The following ACYP2 variants were observed in gnomAD, a reference collection of about 807,000 sequenced individuals.
ACYP2 encodes the protein acylphosphatase-2.
ACYP2 carries 12 observed loss-of-function variants against 11.2 expected under a neutral mutation model. That is an observed-to-expected ratio of 1.08 (90% CI 0.69 to 1.74). ACYP2 has a LOEUF of 1.74. Among genes scored for constraint, ACYP2 ranks in the 40% most tolerant of loss-of-function variants. The probability of loss-of-function intolerance (pLI) is 0.00; values close to 1 mark genes in which losing one functional copy is unlikely to be tolerated. For synonymous variants in ACYP2, 43 were observed against 32.2 expected (o/e 1.33, Z -1.13); for missense variants, 134 against 101.9 (o/e 1.31, Z -1.35).
At chr2:54,294,076 A>G (rs1367273865) in intron 6 of ACYP2, among the ~76,000 whole-genome samples, 1 of 152,054 alleles carries the variant, frequency 6.6e-6, no homozygotes, top group Non-Finnish European at 1.5e-5. Context: ...CTTTCTTGCT[A>G]TGGTCTTCAT....
intron 4 of ACYP2, chr2:54,065,377 G>T: frequency 2.5e-6 from 1 of 397,296 alleles, no homozygotes; most frequent in South Asian, 1.3e-4. Flanking sequence ...TGATCAAAAT[G>T]ATTTTTCTAT....
At chr2:54,303,971 G>C (rs1359106671) in intron 6 of ACYP2, among the ~76,000 whole-genome samples, 3 of 152,052 alleles carry the variant, frequency 2.0e-5, no homozygotes, top group African/African-American at 7.2e-5. Context: ...AAATATCTTG[G>C]GTAAGTGACC....
Position 53,982,201 on chromosome 2 carries a change from G to A in ACYP2, c.62+8391G>A, listed in dbSNP as rs150039888. On this transcript the variant is annotated intron_variant, in intron 2 of 6. Coordinates refer to ENST00000607452, the MANE Select transcript of ACYP2 (RefSeq NM_001320586.2). The stretch of plus-strand genomic sequence containing the variant: ...CAGGCTTTGCTCACAGGCAGACAAT[G>A]GGATTATCTGCATGCATAATTTGAA... Among the ~76,000 whole-genome samples the A allele has an allele frequency of 5.3e-3, 804 of 152,206 alleles. 7 individuals are homozygous for A. The highest frequency in any genetic ancestry group is 0.018 in the African/African-American group (764 of 41,540).
chr2:54,195,259 C>G (rs1267319454), intron 6 of ACYP2, among the ~76,000 whole-genome samples: 1 of 152,184 alleles, frequency 6.6e-6, no homozygotes, highest in East Asian at 1.9e-4. Flanking sequence ...ATTTACCTAG[C>G]TTCATGGACC....
intron 2 of ACYP2, among the ~76,000 whole-genome samples, chr2:54,014,576 C>A (rs902319790): frequency 1.3e-5 from 2 of 152,154 alleles, no homozygotes; most frequent in Non-Finnish European, 2.9e-5. Flanking sequence ...CCACCTTGGC[C>A]TCCCAAAGTG....
chr2:54,264,567 A>G (rs1372385608), intron 6 of ACYP2, among the ~76,000 whole-genome samples: 1 of 152,226 alleles, frequency 6.6e-6, no homozygotes, highest in Non-Finnish European at 1.5e-5. Context: ...CTGCAAACTC[A>G]CATGTAAAAA....
chr2:54,234,074 T>C (rs1202251438), intron 6 of ACYP2, among the ~76,000 whole-genome samples: 1 of 152,072 alleles, frequency 6.6e-6, no homozygotes, highest in Non-Finnish European at 1.5e-5. Context: ...ATCAGGTCTG[T>C]AGGTGGTTGC....
intron 6 of ACYP2, among the ~76,000 whole-genome samples, chr2:54,182,951 T>A (rs959964800): frequency 2.0e-5 from 3 of 152,220 alleles, no homozygotes; most frequent in African/African-American, 7.2e-5. Context: ...ATCAACATGA[T>A]AATGATGAAA....
At chr2:54,179,658 T>A (rs1471164999) in intron 6 of ACYP2, among the ~76,000 whole-genome samples, 1 of 152,126 alleles carries the variant, frequency 6.6e-6, no homozygotes, top group African/African-American at 2.4e-5. Flanking sequence ...ATGGTGCTGG[T>A]GGGAGTGCAG....
chr2:54,227,935 T>C (rs994552507), intron 6 of ACYP2, among the ~76,000 whole-genome samples: 2 of 152,210 alleles, frequency 1.3e-5, no homozygotes, highest in Non-Finnish European at 2.9e-5. Flanking sequence ...TTTACATAAC[T>C]TTCAAATCAT....
intron 6 of ACYP2, among the ~76,000 whole-genome samples, chr2:54,156,898 C>A (rs974759636): frequency 6.6e-6 from 1 of 152,114 alleles, no homozygotes; most frequent in Non-Finnish European, 1.5e-5. Flanking sequence ...GAACTCCTGA[C>A]CTCAGGTGAT....
At chr2:54,039,134 G>A in intron 2 of ACYP2, among the ~76,000 whole-genome samples, 1 of 151,568 alleles carries the variant, frequency 6.6e-6, no homozygotes, top group Non-Finnish European at 1.5e-5. Flanking sequence ...GGGTGAGGTT[G>A]GGAGAGAATG....
chr2:54,050,598 C>CG (rs1675800284), intron 2 of ACYP2, among the ~76,000 whole-genome samples: 1 of 150,414 alleles, frequency 6.6e-6, no homozygotes, highest in Admixed American at 6.6e-5. Flanking sequence ...ATTTTAAACT[C>CG]GCATATATGA....
chr2:54,294,003 T>C (rs531180015), intron 6 of ACYP2, among the ~76,000 whole-genome samples: 1 of 152,382 alleles, frequency 6.6e-6, no homozygotes, highest in East Asian at 1.9e-4. Context: ...GGCAACTCAG[T>C]ATTTTCCAAC....
intron 2 of ACYP2, among the ~76,000 whole-genome samples, chr2:54,014,202 A>G (rs1454652060): frequency 6.6e-6 from 1 of 151,892 alleles, no homozygotes; most frequent in Non-Finnish European, 1.5e-5. Context: ...TAAGGCAGGC[A>G]GGGCAGGTTG....
intron 6 of ACYP2, among the ~76,000 whole-genome samples, chr2:54,243,281 C>G (rs1444992040): frequency 6.6e-6 from 1 of 152,100 alleles, no homozygotes; most frequent in Non-Finnish European, 1.5e-5. Context: ...GATGGTAGAG[C>G]CTACTACACA....
At chr2:54,235,137 T>A (rs1686415452) in intron 6 of ACYP2, among the ~76,000 whole-genome samples, 2 of 152,298 alleles carry the variant, frequency 1.3e-5, no homozygotes, top group East Asian at 3.9e-4. Flanking sequence ...ATAAATGAGA[T>A]TGGGGTGTAA....
At chr2:54,106,473 C>G (rs1679167960) in intron 4 of ACYP2, among the ~76,000 whole-genome samples, 1 of 152,132 alleles carries the variant, frequency 6.6e-6, no homozygotes, top group African/African-American at 2.4e-5. Flanking sequence ...ATTTACTTAA[C>G]AAGAGATCTC....
intron 2 of ACYP2, among the ~76,000 whole-genome samples, chr2:53,990,717 G>T (rs1672248920): frequency 6.6e-6 from 1 of 151,014 alleles, no homozygotes; most frequent in Non-Finnish European, 1.5e-5. Flanking sequence ...GCATAAAGCA[G>T]TGGTTGAGAG....
Sources: allele counts gnomAD v4.1 joint callset (sites outside exome capture counted in the v4.1 genomes callset), GRCh38; gene constraint gnomAD v4.1.1; transcripts MANE v1.5; gene names NCBI Gene and HGNC (gene_info 2026-07-23, HGNC 2026-07-21).